The following PTPRO variants were observed in gnomAD, a reference collection of about 807,000 sequenced individuals.
The protein encoded by PTPRO is receptor-type tyrosine-protein phosphatase O.
In PTPRO, 62 loss-of-function variants were observed where a neutral mutation model predicts 145.2. That is an observed-to-expected ratio of 0.43 (90% CI 0.35 to 0.53). The LOEUF (loss-of-function observed/expected upper bound fraction) is 0.53. Ranked by LOEUF, PTPRO falls within the 20% of genes least tolerant of loss-of-function variation. The pLI, the probability that PTPRO is intolerant of heterozygous loss-of-function variation, is 0.01. For missense variants in PTPRO, 1,345 were observed against 1,482.7 expected, an observed-to-expected ratio of 0.91 and a Z score of 1.53; for synonymous variants, 565 against 514.7, an observed-to-expected ratio of 1.10 and a Z score of -1.32.
At chr12:15,440,102 C>A in intron 1 of PTPRO, 1 of 631,560 alleles carries the variant, frequency 1.6e-6, no homozygotes, top group South Asian at 1.7e-5. Context: ...TGTGCTGGTG[C>A]ACCTCATCCC....
At chr12:15,515,639 A>G (rs1565677560) in intron 8 of PTPRO, 21 bp downstream of exon 8, 2 of 1,613,978 alleles carry the variant, frequency 1.2e-6, no homozygotes, top group Non-Finnish European at 1.7e-6. Flanking sequence ...AGCCACAAGA[A>G]GAATGACTGA....
At chr12:15,360,726 TAA>T (rs1170638768) in intron 1 of PTPRO, among the ~76,000 whole-genome samples, 3 of 145,482 alleles carry the variant, frequency 2.1e-5, no homozygotes, top group Non-Finnish European at 3.0e-5. Context: ...TATATGTTTA[TAA>T]GTTAAAACAC....
intron 6 of PTPRO, among the ~76,000 whole-genome samples, chr12:15,506,649 C>T (rs770689688): frequency 6.6e-6 from 1 of 152,108 alleles, no homozygotes; most frequent in African/African-American, 2.4e-5. Context: ...AGAACTCGCT[C>T]ATTGTCTTGA....
intron 9 of PTPRO, among the ~76,000 whole-genome samples, chr12:15,517,317 G>A (rs1055513454): frequency 3.3e-5 from 5 of 152,042 alleles, no homozygotes; most frequent in East Asian, 3.9e-4. Flanking sequence ...TCACAAGAAC[G>A]GCATGGGAGA....
chr12:15,363,152 A>G (rs575224097), intron 1 of PTPRO, among the ~76,000 whole-genome samples: 2 of 152,310 alleles, frequency 1.3e-5, no homozygotes, highest in East Asian at 3.9e-4. Flanking sequence ...AACAAAACAA[A>G]CCAGAGCTTA....
At chr12:15,487,783 C>T (rs144963383) in intron 2 of PTPRO, among the ~76,000 whole-genome samples, 1 of 152,300 alleles carries the variant, frequency 6.6e-6, no homozygotes, top group African/African-American at 2.4e-5. Flanking sequence ...TATTGTCCAA[C>T]ATAGTAGTCA....
intron 1 of PTPRO, chr12:15,348,118 T>A (rs1937652937): frequency 1.3e-5 from 2 of 152,220 alleles, no homozygotes; most frequent in Admixed American, 1.3e-4. Context: ...CAAAAGAGAC[T>A]TTGCTGATCG....
At chr12:15,521,307 C>T (rs905484059) in intron 10 of PTPRO, among the ~76,000 whole-genome samples, 5 of 151,808 alleles carry the variant, frequency 3.3e-5, no homozygotes, top group African/African-American at 1.2e-4. Flanking sequence ...CTTTTCTTTA[C>T]TAGCCAATAT....
chr12:15,407,999 C>T (rs1260798455), intron 1 of PTPRO, among the ~76,000 whole-genome samples: 1 of 152,218 alleles, frequency 6.6e-6, no homozygotes, highest in African/African-American at 2.4e-5. Context: ...ATCCTAGACT[C>T]TAGCCCAAGA....
chr12:15,508,327 G>A (rs1565672092), intron 6 of PTPRO, among the ~76,000 whole-genome samples: 1 of 152,106 alleles, frequency 6.6e-6, no homozygotes, highest in Non-Finnish European at 1.5e-5. Flanking sequence ...ACATGCACAC[G>A]ATGATTGAAG....
Position 15,497,240 on chromosome 12 carries a change from T to C in PTPRO, c.350-5T>C, listed in dbSNP as rs980484819. ...TCCCTTTCTCCATTTACTTCACTTCTGTAGAACCTCTACCTGTAACCAGTG... is the reference window on the plus strand; with the variant it reads ...TCCCTTTCTCCATTTACTTCACTTCCGTAGAACCTCTACCTGTAACCAGTG... On this transcript the variant is annotated splice_region_variant and splice_polypyrimidine_tract_variant and intron_variant, in intron 2 of 26. Transcript: ENST00000281171. 6.4e-7 allele frequency: 1 copy of C among 1,557,392 alleles called. No individual in the cohort carries two copies. Among genetic ancestry groups the C allele is most frequent in the Admixed American group, 1.7e-5 (1 of 59,928 alleles).
chr12:15,484,295 G>A, intron 2 of PTPRO, 48 bp downstream of exon 2: 3 of 1,605,698 alleles, frequency 1.9e-6, no homozygotes, highest in South Asian at 1.1e-5. Flanking sequence ...TTGTTCCCCT[G>A]TTTCTTCCCG....
In PTPRO at chr12:15,327,864, A is replaced by T. The variant is rs1186359405; in HGVS notation, c.75+5063A>T. Among the ~76,000 whole-genome samples, 4 of 152,116 alleles carry T rather than the reference A, an allele frequency of 2.6e-5. No homozygotes were observed. In the East Asian group the frequency reaches 7.7e-4, roughly 29 times the overall value. The stretch of plus-strand genomic sequence containing the variant: ...AGAGGTGGCTCACGCCTGTAATCCC[A>T]GCACTTTGGGAGCCTGAAGCAGGTG... On this transcript the variant is annotated intron_variant, in intron 1 of 26. Coordinates refer to ENST00000281171, the MANE Select transcript of PTPRO (RefSeq NM_030667.3).
intron 1 of PTPRO, among the ~76,000 whole-genome samples, chr12:15,402,131 TGTAATC>T (rs1272272982): frequency 6.6e-6 from 1 of 152,200 alleles, no homozygotes; most frequent in Non-Finnish European, 1.5e-5. Flanking sequence ...GGCTCATGCC[TGTAATC>T]CCAGCACTTT....
At chr12:15,514,217 C>G (rs1942525929) in intron 7 of PTPRO, among the ~76,000 whole-genome samples, 1 of 151,966 alleles carries the variant, frequency 6.6e-6, no homozygotes, top group East Asian at 1.9e-4. Context: ...TTAGAAGGCC[C>G]AGGCACGTGG....
At chr12:15,440,222 G>A in intron 1 of PTPRO, 1 of 653,740 alleles carries the variant, frequency 1.5e-6, no homozygotes, top group South Asian at 1.7e-5. Context: ...TGCCACCCTG[G>A]GCAACTTTTC....
intron 18 of PTPRO, among the ~76,000 whole-genome samples, chr12:15,566,367 A>G (rs888463373): frequency 3.3e-5 from 5 of 152,226 alleles, no homozygotes; most frequent in African/African-American, 9.6e-5. Flanking sequence ...GCTTATGGAA[A>G]GAAATCATGA....
intron 6 of PTPRO, among the ~76,000 whole-genome samples, chr12:15,506,605 G>A (rs928480025): frequency 2.6e-5 from 4 of 152,084 alleles, no homozygotes; most frequent in African/African-American, 9.7e-5. Context: ...AGAGAGCAGG[G>A]GAAACTGCCA....
At chr12:15,500,549 A>G (rs920243237) in intron 4 of PTPRO, among the ~76,000 whole-genome samples, 3 of 152,204 alleles carry the variant, frequency 2.0e-5, no homozygotes, top group African/African-American at 4.8e-5. Context: ...GCACTAACAC[A>G]AGGCAGAATG....
Sources: gnomAD v4.1 joint callset for allele counts (sites outside exome capture counted in the v4.1 genomes callset) on GRCh38, gnomAD v4.1.1 for gene constraint, MANE v1.5 for transcripts, NCBI Gene and HGNC (gene_info 2026-07-23, HGNC 2026-07-21) for gene names.